Variants in PELI2 observed in about 807,000 individuals in gnomAD.
PELI2 encodes E3 ubiquitin-protein ligase pellino homolog 2.
Under a neutral mutation model 42.3 loss-of-function variants are expected in PELI2, and 23 were observed. The observed-to-expected ratio is 0.54, with a 90% CI of 0.39 to 0.77. PELI2 has a LOEUF of 0.77. Ranked by LOEUF, PELI2 falls within the 30% of genes least tolerant of loss-of-function variation. The pLI is 0.00. For missense variants in PELI2, 463 were observed against 553.2 expected (o/e 0.84, Z 1.64); for synonymous variants, 245 against 212.2 (o/e 1.15, Z -1.34).
At chr14:56,179,574 G>A (rs1885511880) in intron 2 of PELI2, among the ~76,000 whole-genome samples, 1 of 152,156 alleles carries the variant, frequency 6.6e-6, no homozygotes, top group Admixed American at 6.5e-5. Context: ...TAGTAGATAA[G>A]CCAAAGCTAG....
chr14:56,290,702 A>G (rs1400674620), intron 5 of PELI2, among the ~76,000 whole-genome samples: 1 of 152,176 alleles, frequency 6.6e-6, no homozygotes, highest in Non-Finnish European at 1.5e-5. Context: ...CCTGAAGAGC[A>G]TTATCTTTTA....
intron 5 of PELI2, among the ~76,000 whole-genome samples, chr14:56,291,267 A>G (rs1407583771): frequency 6.6e-6 from 1 of 152,240 alleles, no homozygotes; most frequent in African/African-American, 2.4e-5. Context: ...AAACTCCCAC[A>G]GAATAAAATG....
chr14:56,263,090 G>A (rs1293312436), intron 2 of PELI2, among the ~76,000 whole-genome samples: 1 of 152,040 alleles, frequency 6.6e-6, no homozygotes, highest in Non-Finnish European at 1.5e-5. Context: ...CCAAGTAGCT[G>A]GGATTACGGG....
At chr14:56,151,365 C>T (rs1884345902) in intron 1 of PELI2, among the ~76,000 whole-genome samples, 1 of 152,236 alleles carries the variant, frequency 6.6e-6, no homozygotes, top group Non-Finnish European at 1.5e-5. Context: ...TACTGCTCAT[C>T]CTTGCTGGCC....
intron 2 of PELI2, among the ~76,000 whole-genome samples, chr14:56,199,776 A>G (rs1886266195): frequency 6.6e-6 from 1 of 152,212 alleles, no homozygotes; most frequent in Non-Finnish European, 1.5e-5. Flanking sequence ...TTTCTTAAGT[A>G]TTTACATGTA....
intron 2 of PELI2, among the ~76,000 whole-genome samples, chr14:56,250,403 C>G (rs976169901): frequency 2.0e-5 from 3 of 152,074 alleles, no homozygotes; most frequent in African/African-American, 7.3e-5. Context: ...GGAATTGACT[C>G]ACATCATCAC....
chr14:56,234,813 G>A (rs1887729162), intron 2 of PELI2, among the ~76,000 whole-genome samples: 1 of 152,034 alleles, frequency 6.6e-6, no homozygotes, highest in South Asian at 2.1e-4. Context: ...CTAATCTGTA[G>A]GAAAACTGGA....
chr14:56,137,200 C>CTTTT (rs33928658), intron 1 of PELI2, among the ~76,000 whole-genome samples: 2 of 149,562 alleles, frequency 1.3e-5, no homozygotes, highest in African/African-American at 2.5e-5. Flanking sequence ...CCATAGTAAC[C>CTTTT]TTTTTTTTTT....
At chr14:56,192,815 A>G (rs1345562825) in intron 2 of PELI2, among the ~76,000 whole-genome samples, 3 of 152,222 alleles carry the variant, frequency 2.0e-5, no homozygotes, top group Non-Finnish European at 4.4e-5. Context: ...TGCTCAACAA[A>G]TGTTAACCAA....
chr14:56,148,326 G>C (rs1184020770), intron 1 of PELI2, among the ~76,000 whole-genome samples: 1 of 152,176 alleles, frequency 6.6e-6, no homozygotes, highest in Non-Finnish European at 1.5e-5. Context: ...GAAAAGAGAT[G>C]TGACCCTGTT....
intron 1 of PELI2, among the ~76,000 whole-genome samples, chr14:56,123,884 T>C (rs1413650263): frequency 1.3e-5 from 2 of 152,236 alleles, no homozygotes; most frequent in Middle Eastern, 3.2e-3. Context: ...ATATCTGCTG[T>C]GCAGGGCTTG....
intron 3 of PELI2, among the ~76,000 whole-genome samples, chr14:56,281,137 C>A (rs1039863839): frequency 1.1e-4 from 16 of 151,998 alleles, no homozygotes; most frequent in African/African-American, 3.9e-4. Context: ...AGCGCTCAGA[C>A]CAATTGACCC....
chr14:56,228,958 A>G (rs151092720), intron 2 of PELI2, among the ~76,000 whole-genome samples: 2,404 of 152,224 alleles, frequency 0.016, 67 homozygotes, highest in African/African-American at 0.055. Flanking sequence ...TATATCCCAC[A>G]CCTGGCTTGG....
chr14:56,215,911 T>G (rs893713126), intron 2 of PELI2, among the ~76,000 whole-genome samples: 2 of 152,240 alleles, frequency 1.3e-5, no homozygotes, highest in Non-Finnish European at 2.9e-5. Context: ...AGTTTTATTT[T>G]GTAGTCACAT....
At position 56,261,565 on chromosome 14, in the gene PELI2, T is replaced by G. The variant is rs75827149; in HGVS notation, c.208-18111T>G. Among the ~76,000 whole-genome samples the G allele has an allele frequency of 8.5e-5, 13 of 152,342 alleles. No individual in the cohort carries two copies. The East Asian group carries it at 2.5e-3, about 29-fold the overall frequency. On this transcript the variant is annotated intron_variant, in intron 2 of 5. Transcript: ENST00000267460. The stretch of plus-strand genomic sequence containing the variant: ...TTCTGTCCCCCAAACTTGGAAATTC[T>G]TTTGTAAAGGAACAAAGAAAAGAGT...
rs535501760 is a variant in PELI2, at chr14:56,156,552, C to G, written c.78-21783C>G. 8.3e-4 allele frequency among the ~76,000 whole-genome samples: 127 copies of G among 152,248 alleles called. 1 individual carries two copies. The highest frequency in any genetic ancestry group is 8.8e-4 in the Non-Finnish European group (60 of 68,012). On this transcript the variant is annotated intron_variant, in intron 1 of 5. Coordinates refer to ENST00000267460, the MANE Select transcript of PELI2 (RefSeq NM_021255.3). ...GTTCTTCTGCTGATTGGCTGTGTGA[C>G]CTTGAGGATGCTTCACTTGACATGA...
At chr14:56,174,003 G>A (rs1323797210) in intron 1 of PELI2, among the ~76,000 whole-genome samples, 1 of 152,234 alleles carries the variant, frequency 6.6e-6, no homozygotes, top group Non-Finnish European at 1.5e-5. Flanking sequence ...CTGGGTTCAA[G>A]TGATTCTCCT....
At chr14:56,143,970 T>G (rs1026126531) in intron 1 of PELI2, among the ~76,000 whole-genome samples, 1 of 152,348 alleles carries the variant, frequency 6.6e-6, no homozygotes, top group East Asian at 1.9e-4. Flanking sequence ...CCAGACTATC[T>G]TGGTGGAGAG....
At chr14:56,187,843 C>G (rs968749669) in intron 2 of PELI2, among the ~76,000 whole-genome samples, 3 of 152,148 alleles carry the variant, frequency 2.0e-5, no homozygotes, top group Admixed American at 6.5e-5. Flanking sequence ...CTCAGATAGG[C>G]AGCTCCCTTC....
Sources: gnomAD v4.1 joint callset for allele counts (sites outside exome capture counted in the v4.1 genomes callset) on GRCh38, gnomAD v4.1.1 for gene constraint, MANE v1.5 for transcripts, NCBI Gene and HGNC (gene_info 2026-07-23, HGNC 2026-07-21) for gene names.